Variants in QSER1 observed in about 807,000 individuals in gnomAD.
The protein encoded by QSER1 is glutamine and serine rich 1.
A neutral mutation model predicts 158.5 loss-of-function variants in QSER1; 49 were observed. The observed-to-expected ratio is 0.31, with a 90% CI of 0.25 to 0.39. The LOEUF is 0.39. Ranked by LOEUF, QSER1 falls within the 10% of genes least tolerant of loss-of-function variation. The probability of loss-of-function intolerance (pLI) is 1.00; values close to 1 mark genes in which losing one functional copy is unlikely to be tolerated. For synonymous variants in QSER1, 650 were observed against 715.5 expected (o/e 0.91, Z 1.46); for missense variants, 1,754 against 2,010.3 (o/e 0.87, Z 2.44).
intron 4 of QSER1, 65 bp downstream of exon 4, chr11:32,935,500 T>C (rs953751240): frequency 3.3e-6 from 4 of 1,229,712 alleles, no homozygotes; most frequent in Non-Finnish European, 3.3e-6. Context: ...ATAGCCCACA[T>C]TTTAAGCTTT....
At chr11:32,975,488 A>T in intron 12 of QSER1, 145 bp downstream of exon 12, 1 of 1,498,062 alleles carries the variant, frequency 6.7e-7, no homozygotes, top group East Asian at 2.6e-5. Context: ...TAATGACTTG[A>T]TTTATTGTTC....
At chr11:32,902,263 C>T (rs1006700975) in intron 1 of QSER1, among the ~76,000 whole-genome samples, 1 of 152,184 alleles carries the variant, frequency 6.6e-6, no homozygotes, top group African/African-American at 2.4e-5. Flanking sequence ...TGGCAGTTCC[C>T]TTCCCTGGCA....
At position 32,932,692 on chromosome 11, in the gene QSER1, A is replaced by G; in HGVS notation, c.1434A>G (p.Pro478=). The G allele has an allele frequency of 1.2e-6, 2 of 1,614,174 alleles. No individual in the cohort carries two copies. The highest frequency in any genetic ancestry group is 1.1e-5 in the South Asian group (1 of 91,084). The change falls in exon 4 of 13, where the codon CCA becomes CCG. Residue 478 remains proline, a synonymous_variant. Coordinates refer to ENST00000650167, the MANE Select transcript of QSER1 (RefSeq NM_001076786.3). ...SQSQNYGLVQ[P]HNVPSIVHSQ... ...CCCAAAATTACGGTTTAGTACAGCC[A>G]CATAATGTGCCATCTATTGTTCATT...
chr11:32,971,374 G>C (rs1852853399), intron 10 of QSER1, among the ~76,000 whole-genome samples: 1 of 152,124 alleles, frequency 6.6e-6, no homozygotes, highest in South Asian at 2.1e-4. Context: ...GAGTCCTGAA[G>C]CTTTTTCAAG....
chr11:32,973,370 C>A, intron 10 of QSER1, 27 bp from the exon 11 acceptor site: 1 of 1,610,922 alleles, frequency 6.2e-7, no homozygotes, highest in South Asian at 1.1e-5. Flanking sequence ...CTTCTGGTGT[C>A]AGTTATTTTG....
chr11:32,945,236 A>G (rs1390951564), intron 4 of QSER1, among the ~76,000 whole-genome samples: 1 of 149,896 alleles, frequency 6.7e-6, no homozygotes, highest in Non-Finnish European at 1.5e-5. Context: ...GTCCATTTAC[A>G]TTTAAAGTTA....
intron 1 of QSER1, among the ~76,000 whole-genome samples, chr11:32,896,404 G>T (rs1288527239): frequency 6.6e-6 from 1 of 152,028 alleles, no homozygotes; most frequent in Non-Finnish European, 1.5e-5. Flanking sequence ...GCCCAGGCTG[G>T]AGTGCAACGG....
At chr11:32,902,179 TCTC>T (rs1174740769) in intron 1 of QSER1, among the ~76,000 whole-genome samples, 2 of 152,168 alleles carry the variant, frequency 1.3e-5, no homozygotes, top group African/African-American at 4.8e-5. Context: ...GAGAAAATTT[TCTC>T]CTAGAGGAAG....
At chr11:32,947,734 G>C (rs1384940394) in intron 4 of QSER1, among the ~76,000 whole-genome samples, 1 of 152,036 alleles carries the variant, frequency 6.6e-6, no homozygotes, top group Admixed American at 6.6e-5. Flanking sequence ...AGAAAGGTGT[G>C]TTAAAGTTTT....
intron 1 of QSER1, among the ~76,000 whole-genome samples, chr11:32,897,784 C>T (rs1279024864): frequency 6.6e-6 from 1 of 152,184 alleles, no homozygotes; most frequent in African/African-American, 2.4e-5. Context: ...TGACCTTTTA[C>T]TTGAGCTTAA....
At chr11:32,972,220 T>C (rs1852875845) in intron 10 of QSER1, among the ~76,000 whole-genome samples, 1 of 152,044 alleles carries the variant, frequency 6.6e-6, no homozygotes, top group African/African-American at 2.4e-5. Flanking sequence ...ATCATAAATA[T>C]AATAGGAGGA....
intron 8 of QSER1, among the ~76,000 whole-genome samples, chr11:32,962,168 G>A (rs189893112): frequency 3.1e-4 from 47 of 152,204 alleles, no homozygotes; most frequent in African/African-American, 9.9e-4. Flanking sequence ...TTGTGTGTGC[G>A]TCTTTTTAAA....
chr11:32,930,529 A>G (rs1315145533), intron 3 of QSER1, among the ~76,000 whole-genome samples: 3 of 152,220 alleles, frequency 2.0e-5, no homozygotes, highest in African/African-American at 7.2e-5. Flanking sequence ...ACATTTAAAT[A>G]GTAAAAAGGT....
intron 6 of QSER1, 128 bp downstream of exon 6, chr11:32,955,540 T>G (rs1180195943): frequency 5.5e-6 from 3 of 547,350 alleles, no homozygotes; most frequent in Non-Finnish European, 9.7e-6. Flanking sequence ...TGAACTAGAA[T>G]ATTGATGCTC....
intron 4 of QSER1, among the ~76,000 whole-genome samples, chr11:32,936,817 C>T (rs1852159424): frequency 6.6e-6 from 1 of 152,166 alleles, no homozygotes; most frequent in Non-Finnish European, 1.5e-5. Flanking sequence ...ACTTGACTAC[C>T]TTTAACTACT....
At position 32,933,491 on chromosome 11, in the gene QSER1, C is replaced by T. The variant is rs371329122; in HGVS notation, c.2233C>T (p.Arg745Cys). 2.4e-5 allele frequency: 38 copies of T among 1,611,268 alleles called. No homozygotes were observed. The highest frequency in any genetic ancestry group is 5.3e-5 in the African/African-American group (4 of 74,780). ...TCAGAGTGTAATCAGAAGTAATTCC[C>T]GTCTTGAAGATCAAGTTATTGGGGT... ...YSQSVIRSNSRLEDQVIGVAL... is the reference protein window; with the variant it reads ...YSQSVIRSNSCLEDQVIGVAL... The change falls in exon 4 of 13, where the codon CGT (arginine) becomes TGT (cysteine). Residue 745 changes from arginine (R) to cysteine (C), a missense_variant. This residue lies in a region of QSER1 where 1,707 missense variants were observed against 1,919.6 expected (regional missense o/e 0.89). Coordinates refer to ENST00000650167, the MANE Select transcript of QSER1 (RefSeq NM_001076786.3).
In QSER1 at chr11:32,977,111, AC is replaced by A. The variant is rs762903106; in HGVS notation, c.*638del. On this transcript the variant is annotated 3_prime_UTR_variant, in exon 13 of 13. Coordinates refer to ENST00000650167, the MANE Select transcript of QSER1 (RefSeq NM_001076786.3). The stretch of plus-strand genomic sequence containing the variant: ...TGTCAAATTATATTGTGATAAAAAA[AC>A]AATGACATACTATTTTCCCTATCGC... The A allele has an allele frequency of 3.3e-5, 5 of 152,674 alleles. No individual in the cohort carries two copies. The highest frequency in any genetic ancestry group is 7.2e-5 in the African/African-American group (3 of 41,472). 9.5% of individuals were successfully genotyped at this position (152,674 alleles called of 1,614,324 possible). A position where few individuals can be genotyped will look rare whatever the true frequency, so the allele number is the denominator to read the frequency against.
Position 32,911,385 on chromosome 11 carries a change from C to T in QSER1, c.210-15772C>T, listed in dbSNP as rs747444550. ...TACCTGTGTAACAAACCTGTATGTT[C>T]TGCACATGTATCCCATTATTTTTTA... On this transcript the variant is annotated intron_variant, in intron 1 of 12. Transcript: ENST00000650167. Among the ~76,000 whole-genome samples the T allele has an allele frequency of 4.8e-4, 73 of 152,104 alleles. 1 individual carries two copies. Among genetic ancestry groups the T allele is most frequent in the Non-Finnish European group, 3.8e-4 (26 of 67,986 alleles).
At chr11:32,912,493 A>T (rs1354682787) in intron 1 of QSER1, among the ~76,000 whole-genome samples, 5 of 152,122 alleles carry the variant, frequency 3.3e-5, no homozygotes, top group Non-Finnish European at 7.4e-5. Flanking sequence ...TTTCAAAGTG[A>T]ACTTATAGGG....
Sources: gnomAD v4.1 joint callset for allele counts (sites outside exome capture counted in the v4.1 genomes callset) on GRCh38, gnomAD v4.1.1 for gene constraint, gnomAD v4.1.1 regional missense constraint, MANE v1.5 for transcripts, NCBI Gene and HGNC (gene_info 2026-07-23, HGNC 2026-07-21) for gene names.